Variants in HYOU1 observed in about 807,000 individuals in gnomAD.
HYOU1 encodes the protein hypoxia up-regulated 1.
HYOU1 carries 40 observed loss-of-function variants against 120.5 expected under a neutral mutation model. That is an observed-to-expected ratio of 0.33 (90% confidence interval 0.26 to 0.43). The LOEUF (loss-of-function observed/expected upper bound fraction) is 0.43, where lower values mean the gene tolerates loss of function less well. Among genes scored for constraint, HYOU1 ranks in the 20% least tolerant of loss-of-function variants. The pLI, the probability that HYOU1 is intolerant of heterozygous loss-of-function variation, is 1.00. For synonymous variants in HYOU1, 501 were observed against 479.4 expected (o/e 1.05, Z -0.59); for missense variants, 1,085 against 1,278.3 (o/e 0.85, Z 2.31).
Position 119,045,359 on chromosome 11 carries a change from G to T in HYOU1, c.*234C>A. The T allele has an allele frequency of 3.0e-6, 2 of 676,820 alleles. No homozygotes were observed. The highest frequency in any genetic ancestry group is 5.4e-6 in the Non-Finnish European group (2 of 370,166). 41.9% of individuals were successfully genotyped at this position (676,820 alleles called of 1,614,324 possible). A position where few individuals can be genotyped will look rare whatever the true frequency, so the allele number is the denominator to read the frequency against. ...CAAATTTAGGGCCTATATGGGTAGG[G>T]AACAGGGAGTGGGGCTGGGGAGGAG... On this transcript the variant is annotated 3_prime_UTR_variant, in exon 26 of 26. Coordinates refer to ENST00000617285, the MANE Select transcript of HYOU1 (RefSeq NM_006389.5).
chr11:119,057,138 A>G lies in HYOU1; in HGVS notation c.-126T>C, dbSNP rs1045160230. On this transcript the variant is annotated 5_prime_UTR_variant, in exon 1 of 26. The change abolishes the stop of an existing upstream ORF in the 5' untranslated region. Transcript: ENST00000617285. ...AACTCCTCTCGGTTTGCAAACTGTTACATTAGCCACCAACCTCTCGGCGGC... is the reference window on the plus strand; with the variant it reads ...AACTCCTCTCGGTTTGCAAACTGTTGCATTAGCCACCAACCTCTCGGCGGC... 4.0e-5 allele frequency: 6 copies of G among 151,662 alleles called. No individual in the cohort carries two copies. The highest frequency in any genetic ancestry group is 7.4e-5 in the Non-Finnish European group (5 of 67,950). 9.4% of individuals were successfully genotyped at this position (151,662 alleles called of 1,614,324 possible). A position where few individuals can be genotyped will look rare whatever the true frequency, so the allele number is the denominator to read the frequency against.
Position 119,045,124 on chromosome 11 carries a change from A to G in HYOU1, c.*469T>C. 2 of 456,108 alleles carry G rather than the reference A, an allele frequency of 4.4e-6. No individual in the cohort carries two copies. Among genetic ancestry groups the G allele is most frequent in the Non-Finnish European group, 8.8e-6 (2 of 226,670 alleles). The allele number at this position is 456,108 out of a possible 1,614,324, so 28.3% of individuals were successfully genotyped here. A position where few individuals can be genotyped will look rare whatever the true frequency, so the allele number is the denominator to read the frequency against. The stretch of plus-strand genomic sequence containing the variant: ...AGCACAGATAGGCACTCAGAAACCA[A>G]ACCTGGTAACTGAGGCTCTGCAGAC... On this transcript the variant is annotated 3_prime_UTR_variant, in exon 26 of 26. Transcript: ENST00000617285.
intron 14 of HYOU1, 36 bp downstream of exon 14, chr11:119,050,999 C>G: frequency 6.2e-7 from 1 of 1,611,122 alleles, no homozygotes; most frequent in South Asian, 1.1e-5. Context: ...GGGCCTGAGC[C>G]CCTGCTCTGC....
chr11:119,053,969 T>C (rs1421735802), intron 8 of HYOU1, 152 bp downstream of exon 8: 20 of 592,042 alleles, frequency 3.4e-5, no homozygotes, highest in Non-Finnish European at 5.7e-5. Flanking sequence ...TTCCCCTTAC[T>C]CTTTGTGAGT....
chr11:119,056,690 C>T, intron 1 of HYOU1: 1 of 279,274 alleles, frequency 3.6e-6, no homozygotes. Flanking sequence ...TGTCCCGCCC[C>T]CTCCCCTTTC....
rs1944728785 is a variant in HYOU1 at position 119,055,952 on chromosome 11, C to T, written c.92-109G>A. 7.3e-7 allele frequency: 1 copy of T among 1,368,020 alleles called. No individual in the cohort carries two copies. Among genetic ancestry groups the T allele is most frequent in the East Asian group, 2.3e-5 (1 of 43,620 alleles). The allele number at this position is 1,368,020 out of a possible 1,614,324, so 84.7% of individuals were successfully genotyped here. A position where few individuals can be genotyped will look rare whatever the true frequency, so the allele number is the denominator to read the frequency against. On this transcript the variant is annotated intron_variant, in intron 2 of 25. Coordinates refer to ENST00000617285, the MANE Select transcript of HYOU1 (RefSeq NM_006389.5). This position sits in a 1 kb window ranked among gnomAD's most constrained non-coding sequence, Gnocchi z 4.0. ...ATGGGTAAACGAAGATGGCAAAAGACAAAAAGGCCTGGACCTAACAACTCA... is the reference window on the plus strand; with the variant it reads ...ATGGGTAAACGAAGATGGCAAAAGATAAAAAGGCCTGGACCTAACAACTCA...
rs2133596998 is a variant in HYOU1, at chr11:119,052,972, A to G, written c.795-143T>C. On this transcript the variant is annotated intron_variant, in intron 8 of 25. Transcript: ENST00000617285. This position sits in a 1 kb window ranked among gnomAD's most constrained non-coding sequence, Gnocchi z 5.0. ...TCCAGTGCCCCATGTGTGGACACAC[A>G]CTCTGCCCTCAACTCTCTACAGCAC... 2.5e-5 allele frequency: 18 copies of G among 723,154 alleles called. No individual in the cohort carries two copies. The highest frequency in any genetic ancestry group is 3.8e-5 in the Non-Finnish European group (17 of 448,300). The allele number at this position is 723,154 out of a possible 1,614,324, so 44.8% of individuals were successfully genotyped here. A position where few individuals can be genotyped will look rare whatever the true frequency, so the allele number is the denominator to read the frequency against.
At chr11:119,046,886 A>C in intron 22 of HYOU1, 84 bp from the exon 23 acceptor site, 5 of 1,526,536 alleles carry the variant, frequency 3.3e-6, no homozygotes, top group Non-Finnish European at 4.4e-6. Context: ...ACCCCCAACC[A>C]GCCTCTTCCC....
chr11:119,055,889 T>C lies in HYOU1; in HGVS notation c.92-46A>G, dbSNP rs782093341. 7.9e-6 allele frequency: 12 copies of C among 1,515,998 alleles called. No individual in the cohort carries two copies. Among genetic ancestry groups the C allele is most frequent in the Non-Finnish European group, 1.1e-5 (12 of 1,090,656 alleles). 93.9% of individuals were successfully genotyped at this position (1,515,998 alleles called of 1,614,324 possible). A position where few individuals can be genotyped will look rare whatever the true frequency, so the allele number is the denominator to read the frequency against. On this transcript the variant is annotated intron_variant, in intron 2 of 25. Transcript: ENST00000617285. This position sits in a 1 kb window ranked among gnomAD's most constrained non-coding sequence, Gnocchi z 4.0. Reference sequence around the variant, plus strand: ...TCAGTTAGCTCTCCCTTCGCCCACCTTCCTGGGACTCCCTCTAATCAAAGC... The same window carrying C: ...TCAGTTAGCTCTCCCTTCGCCCACCCTCCTGGGACTCCCTCTAATCAAAGC...
In HYOU1 at chr11:119,048,935, A is replaced by G; in HGVS notation, c.1993-49T>C. 1 of 1,608,158 alleles carries G rather than the reference A, an allele frequency of 6.2e-7. No individual in the cohort carries two copies. Among genetic ancestry groups the G allele is most frequent in the Admixed American group, 1.7e-5 (1 of 59,184 alleles). ...TCAGGAAAAGCCTCTGCCCTCCTAC[A>G]TTCTCCACAAGGCCAGAAACAAGGC... On this transcript the variant is annotated intron_variant, in intron 17 of 25. Transcript: ENST00000617285. This position sits in a 1 kb window ranked among gnomAD's most constrained non-coding sequence, Gnocchi z 4.7.
At chr11:119,049,688 C>A in intron 15 of HYOU1, 53 bp from the exon 16 acceptor site, 1 of 1,606,964 alleles carries the variant, frequency 6.2e-7, no homozygotes, top group Non-Finnish European at 8.5e-7. Flanking sequence ...AGTGACTCCA[C>A]CTTCTAACCC....
chr11:119,046,248 G>A (rs1463709737), intron 24 of HYOU1, among the ~76,000 whole-genome samples, 169 bp downstream of exon 24: 1 of 149,780 alleles, frequency 6.7e-6, no homozygotes, highest in African/African-American at 2.5e-5. Context: ...TTACAGGCGT[G>A]AGCCACCGTG....
chr11:119,049,651 C>T lies in HYOU1; in HGVS notation c.1727-16G>A. ...TTGCCAAGTTCTAGGGGGAGTAAAACCCAAAGACTCAAAAGGAGACCACAG... is the reference window on the plus strand; with the variant it reads ...TTGCCAAGTTCTAGGGGGAGTAAAATCCAAAGACTCAAAAGGAGACCACAG... On this transcript the variant is annotated splice_polypyrimidine_tract_variant and intron_variant, in intron 15 of 25. Transcript: ENST00000617285. The T allele has an allele frequency of 6.2e-7, 1 of 1,614,018 alleles. No homozygotes were observed. Among genetic ancestry groups the T allele is most frequent in the South Asian group, 1.1e-5 (1 of 91,080 alleles).
Position 119,045,262 on chromosome 11 carries a change from C to A in HYOU1, c.*331G>T. The stretch of plus-strand genomic sequence containing the variant: ...CCTGATACCCTTCCCATCACCGGGA[C>A]CCATCAGCCACTGGCAGCCATTCTC... On this transcript the variant is annotated 3_prime_UTR_variant, in exon 26 of 26. Coordinates refer to ENST00000617285, the MANE Select transcript of HYOU1 (RefSeq NM_006389.5). 2.0e-6 allele frequency: 1 copy of A among 511,584 alleles called. No individual in the cohort carries two copies. The highest frequency in any genetic ancestry group is 1.6e-5 in the South Asian group (1 of 64,072). The allele number at this position is 511,584 out of a possible 1,614,324, so 31.7% of individuals were successfully genotyped here.
chr11:119,055,942 T>TG lies in HYOU1; in HGVS notation c.92-100dup. ...ACCACTTTCCATGGGTAAACGAAGATGGCAAAAGACAAAAAGGCCTGGACC... is the reference window on the plus strand; with the variant it reads ...ACCACTTTCCATGGGTAAACGAAGATGGGCAAAAGACAAAAAGGCCTGGACC... On this transcript the variant is annotated intron_variant, in intron 2 of 25. Coordinates refer to ENST00000617285, the MANE Select transcript of HYOU1 (RefSeq NM_006389.5). The surrounding 1 kb of genome is among the most constrained non-coding windows in gnomAD (Gnocchi z 4.0). 7.2e-7 allele frequency: 1 copy of TG among 1,389,930 alleles called. No individual in the cohort carries two copies. Among genetic ancestry groups the TG allele is most frequent in the African/African-American group, 1.4e-5 (1 of 70,222 alleles). The allele number at this position is 1,389,930 out of a possible 1,614,324, so 86.1% of individuals were successfully genotyped here. A position where few individuals can be genotyped will look rare whatever the true frequency, so the allele number is the denominator to read the frequency against.
At chr11:119,054,906 C>T in intron 6 of HYOU1, 78 bp downstream of exon 6, 1 of 1,454,630 alleles carries the variant, frequency 6.9e-7, no homozygotes, top group South Asian at 1.2e-5. Flanking sequence ...CCCTGGGAGG[C>T]AAACTTGCCC....
Position 119,048,370 on chromosome 11 carries a change from C to G in HYOU1, c.2254G>C (p.Asp752His), listed in dbSNP as rs2133563288. ...SLEAFIFETQ[D>H]KLYQPEYQEV... ...TGGTACTCGGGCTGGTACAGCTTGT[C>G]CTGGGGAGGGGGACATGTAAACACA... Residue 752 changes from aspartate (D) to histidine (H), a missense_variant and splice_region_variant, in exon 20 of 26, where the codon GAC becomes CAC. By Grantham distance (81) the Asp-to-His change is moderately conservative (BLOSUM62 -1). Transcript: ENST00000617285. This position sits in a 1 kb window ranked among gnomAD's most constrained non-coding sequence, Gnocchi z 4.7. The G allele has an allele frequency of 1.9e-6, 3 of 1,609,564 alleles. No homozygotes were observed. The highest frequency in any genetic ancestry group is 1.7e-6 in the Non-Finnish European group (2 of 1,179,826).
Position 119,045,615 on chromosome 11 carries a change from G to A in HYOU1, c.2978C>T (p.Pro993Leu). The A allele has an allele frequency of 6.2e-7, 1 of 1,614,222 alleles. No individual in the cohort carries two copies. The highest frequency in any genetic ancestry group is 1.1e-5 in the South Asian group (1 of 91,086). ...GGGTTATAGTTCGTCGTTCTTCAAA[G>A]GCCGCTTCTGTCCTGTCGATTGTTC... is the stretch of plus-strand genomic sequence containing the variant. ...QKEQSTGQKR[P>L]LKNDEL is the part of the protein sequence containing the mutation. Residue 993 changes from proline (P) to leucine (L), a missense_variant, in exon 26 of 26, where the codon CCT (proline) becomes CTT (leucine). By Grantham distance (98) the Pro-to-Leu change is moderately conservative. Transcript: ENST00000617285.
chr11:119,045,683 T>C, intron 25 of HYOU1, 29 bp from the exon 26 acceptor site: 2 of 1,613,862 alleles, frequency 1.2e-6, no homozygotes, highest in South Asian at 1.1e-5. Flanking sequence ...AGCAAAGGAA[T>C]CACCGCAGGT....
Sources: allele counts gnomAD v4.1 joint callset (sites outside exome capture counted in the v4.1 genomes callset), GRCh38; gene constraint gnomAD v4.1.1; non-coding constraint Gnocchi (gnomAD v3.1); transcripts MANE v1.5; gene names NCBI Gene and HGNC (gene_info 2026-07-23, HGNC 2026-07-21).